The following RNF32 variants were observed in gnomAD, a reference collection of about 807,000 sequenced individuals.
The protein encoded by RNF32 is ring finger protein 32.
Under a neutral mutation model 41.0 loss-of-function variants are expected in RNF32, and 36 were observed. The observed-to-expected ratio is 0.88, with a 90% CI of 0.67 to 1.16. RNF32 has a LOEUF of 1.16. RNF32 is among the 50% of genes most tolerant of loss of function. The pLI, the probability that RNF32 is intolerant of heterozygous loss-of-function variation, is 0.00. For synonymous variants in RNF32, 154 were observed against 160.9 expected, an observed-to-expected ratio of 0.96 and a Z score of 0.32; for missense variants, 413 against 436.7, an observed-to-expected ratio of 0.95 and a Z score of 0.48.
intron 1 of RNF32, chr7:156,643,156 C>G (rs1292799827): frequency 1.3e-5 from 2 of 152,238 alleles, no homozygotes; most frequent in Non-Finnish European, 2.9e-5. Context: ...TGCGGCAACC[C>G]TGCAAAGCCA....
In RNF32 at chr7:156,658,553, A is replaced by C; in HGVS notation, c.667A>C (p.Lys223Gln). Reference protein sequence around the residue: ...VPPTDAKLRKKFFEKKFTEIS... With the variant: ...VPPTDAKLRKQFFEKKFTEIS... Reference sequence around the variant, plus strand: ...TCCCACAGATGCCAAGTTAAGAAAAAAATTCTTTGAAAAAAAGGTAGGTAA... The same window carrying C: ...TCCCACAGATGCCAAGTTAAGAAAACAATTCTTTGAAAAAAAGGTAGGTAA... The change falls in exon 7 of 9, where the codon AAA becomes CAA. Residue 223 changes from lysine (K) to glutamine (Q), a missense_variant. Lys to Gln is a moderately conservative substitution (Grantham distance 53, BLOSUM62 1). Transcript: ENST00000317955. 1.9e-6 allele frequency: 3 copies of C among 1,610,512 alleles called. No individual in the cohort carries two copies. Among genetic ancestry groups the C allele is most frequent in the Non-Finnish European group, 2.5e-6 (3 of 1,176,656 alleles).
intron 7 of RNF32, among the ~76,000 whole-genome samples, chr7:156,675,379 G>C (rs555241798): frequency 6.6e-6 from 1 of 152,296 alleles, no homozygotes; most frequent in South Asian, 2.1e-4. Context: ...GAGGTCAGAC[G>C]GTCCCTCCTG....
chr7:156,659,387 T>A (rs1800251805), intron 7 of RNF32: 1 of 985,920 alleles, frequency 1.0e-6, no homozygotes, highest in South Asian at 4.7e-5. Context: ...TCAGAGATCA[T>A]TCGTCTCGGG....
At chr7:156,652,979 AATTT>A (rs1217499914) in intron 3 of RNF32, among the ~76,000 whole-genome samples, 2 of 152,148 alleles carry the variant, frequency 1.3e-5, no homozygotes, top group African/African-American at 4.8e-5. Context: ...AGCTAACTTT[AATTT>A]ATTATTAAAG....
chr7:156,673,047 G>T (rs1235409938), intron 7 of RNF32, among the ~76,000 whole-genome samples: 1 of 152,220 alleles, frequency 6.6e-6, no homozygotes, highest in Non-Finnish European at 1.5e-5. Context: ...CAGGAGCTGA[G>T]GCTGCGGGGT....
At chr7:156,676,365 T>C (rs1354205958) in intron 8 of RNF32, 54 bp from the exon 9 acceptor site, 2 of 1,613,788 alleles carry the variant, frequency 1.2e-6, no homozygotes, top group South Asian at 2.2e-5. Flanking sequence ...TTAAGTAACT[T>C]TCTGCTGTGA....
At chr7:156,666,556 G>A (rs1322698973) in intron 7 of RNF32, among the ~76,000 whole-genome samples, 1 of 152,204 alleles carries the variant, frequency 6.6e-6, no homozygotes, top group Non-Finnish European at 1.5e-5. Flanking sequence ...AAGGTCAGAT[G>A]TTGAGTTTTG....
At chr7:156,660,505 T>G (rs1275982666) in intron 7 of RNF32, among the ~76,000 whole-genome samples, 1 of 152,150 alleles carries the variant, frequency 6.6e-6, no homozygotes, top group Non-Finnish European at 1.5e-5. Flanking sequence ...GAGAACAAAC[T>G]GTATAAGTTG....
intron 4 of RNF32, 57 bp from the exon 5 acceptor site, chr7:156,657,484 G>A: frequency 6.4e-6 from 10 of 1,557,820 alleles, no homozygotes; most frequent in Non-Finnish European, 8.9e-6. Context: ...TTAACTGTTG[G>A]ATACATGCTG....
intron 7 of RNF32, chr7:156,659,525 C>A (rs1800280247): frequency 1.0e-6 from 1 of 985,080 alleles, no homozygotes; most frequent in African/African-American, 1.7e-5. Context: ...TTAGTAATTT[C>A]TAATATGTCA....
chr7:156,660,624 T>C (rs1800497840), intron 7 of RNF32, among the ~76,000 whole-genome samples: 1 of 152,188 alleles, frequency 6.6e-6, no homozygotes, highest in African/African-American at 2.4e-5. Context: ...GCTGGGATTA[T>C]AGGCAAGAGC....
intron 3 of RNF32, among the ~76,000 whole-genome samples, chr7:156,649,610 T>G (rs1340676572): frequency 6.6e-6 from 1 of 152,232 alleles, no homozygotes; most frequent in African/African-American, 2.4e-5. Context: ...CTACAGGTTT[T>G]TAAACTCATT....
chr7:156,644,822 G>C (rs1001992940), intron 3 of RNF32, 65 bp downstream of exon 3: 5 of 1,481,502 alleles, frequency 3.4e-6, no homozygotes, highest in Non-Finnish European at 4.6e-6. Context: ...GAGATTAATA[G>C]TATAATTTTT....
chr7:156,640,355 G>A (rs2131292898), upstream of RNF32: 2 of 445,730 alleles, frequency 4.5e-6, no homozygotes. Context: ...GCTGAGGAGC[G>A]TGGCTGCGCC....
intron 7 of RNF32, among the ~76,000 whole-genome samples, chr7:156,661,209 G>GTAT (rs1483472595): frequency 3.7e-5 from 4 of 108,280 alleles, no homozygotes; most frequent in African/African-American, 2.6e-4. Flanking sequence ...CAAGGAGTGG[G>GTAT]CATAAGGGGC....
intron 7 of RNF32, among the ~76,000 whole-genome samples, chr7:156,666,070 C>A (rs1221028866): frequency 6.6e-6 from 1 of 152,076 alleles, no homozygotes; most frequent in African/African-American, 2.4e-5. Flanking sequence ...AGATAAGTTG[C>A]CTTTGGGGAA....
Position 156,640,789 on chromosome 7 carries a change from C to T in RNF32, c.-100C>T. 4.1e-6 allele frequency: 1 copy of T among 242,396 alleles called. No homozygotes were observed. The highest frequency in any genetic ancestry group is 3.6e-5 in the South Asian group (1 of 27,408). The allele number at this position is 242,396 out of a possible 1,614,324, so 15.0% of individuals were successfully genotyped here. On this transcript the variant is annotated 5_prime_UTR_variant, in exon 1 of 9. Transcript: ENST00000317955. ...GAAAAGGGGCAGACGTCCCTGGGTT[C>T]CGGTGTTCGCGGAGGAGTCGAGGCA...
intron 7 of RNF32, among the ~76,000 whole-genome samples, chr7:156,667,235 G>A (rs1467124965): frequency 1.3e-5 from 2 of 152,124 alleles, no homozygotes; most frequent in East Asian, 1.9e-4. Context: ...TTTTGAGGGC[G>A]GCCATAAGTC....
Position 156,658,817 on chromosome 7 carries a change from G to A in RNF32, c.684+247G>A, listed in dbSNP as rs1033816490. ...ATTAGGTTAAATCAAAGCAACTTCT[G>A]TTTGGCCATTTTGTGCTAATTGTTT... On this transcript the variant is annotated intron_variant, in intron 7 of 8. Coordinates refer to ENST00000317955, the MANE Select transcript of RNF32 (RefSeq NM_030936.4). 12 of 1,250,588 alleles carry A rather than the reference G, an allele frequency of 9.6e-6. No individual in the cohort carries two copies. In the Middle Eastern group the frequency reaches 5.6e-4, roughly 59 times the overall value. The allele number at this position is 1,250,588 out of a possible 1,614,324, so 77.5% of individuals were successfully genotyped here. A position where few individuals can be genotyped will look rare whatever the true frequency, so the allele number is the denominator to read the frequency against.
Sources: allele counts gnomAD v4.1 joint callset (sites outside exome capture counted in the v4.1 genomes callset), GRCh38; gene constraint gnomAD v4.1.1; transcripts MANE v1.5; gene names NCBI Gene and HGNC (gene_info 2026-07-23, HGNC 2026-07-21).